MTA3: variants seen among roughly 807,000 people sequenced by gnomAD.
The protein encoded by MTA3 is metastasis-associated protein MTA3.
Under a neutral mutation model 83.5 loss-of-function variants are expected in MTA3, and 34 were observed. That is an observed-to-expected ratio of 0.41 (90% CI 0.31 to 0.54). MTA3 has a LOEUF of 0.54. Ranked by LOEUF, MTA3 falls within the 20% of genes least tolerant of loss-of-function variation. The pLI is 0.33. For missense variants in MTA3, 761 were observed against 726.4 expected (o/e 1.05, Z -0.55); for synonymous variants, 303 against 252.7 (o/e 1.20, Z -1.89).
At position 42,667,570 on chromosome 2, in the gene MTA3, T is replaced by TTGTG. The variant is rs1553379043; in HGVS notation, c.702+7744_702+7747dup. Among the ~76,000 whole-genome samples, 1,177 of 145,062 alleles carry TTGTG rather than the reference T, an allele frequency of 8.1e-3. 8 individuals are homozygous for TTGTG. The highest frequency in any genetic ancestry group is 0.014 in the Non-Finnish European group (897 of 66,064). On this transcript the variant is annotated intron_variant, in intron 8 of 16. Transcript: ENST00000405094. ...TGTCAGAATTTCCATCATTTAAAAATTGTGTGTGTGTGTGTGTGTGTGTGT... is the reference window on the plus strand; with the variant it reads ...TGTCAGAATTTCCATCATTTAAAAATTGTGTGTGTGTGTGTGTGTGTGTGTGTGT...
chr2:42,572,854 A>C (rs963272278), intron 2 of MTA3, among the ~76,000 whole-genome samples: 1 of 152,004 alleles, frequency 6.6e-6, no homozygotes, highest in Non-Finnish European at 1.5e-5. Context: ...CATCCTCCCA[A>C]GTAGCTGGGA....
intron 3 of MTA3, among the ~76,000 whole-genome samples, chr2:42,597,517 C>G (rs1160928619): frequency 4.0e-5 from 6 of 150,306 alleles, no homozygotes; most frequent in Non-Finnish European, 8.8e-5. Context: ...TCCTGAGTTA[C>G]TGGGATTACA....
At chr2:42,631,683 T>C (rs1328139161) in intron 4 of MTA3, among the ~76,000 whole-genome samples, 1 of 152,168 alleles carries the variant, frequency 6.6e-6, no homozygotes, top group Non-Finnish European at 1.5e-5. Flanking sequence ...AGTTATTTTG[T>C]ATTATTATTT....
At chr2:42,683,499 A>C (rs971108713) in intron 9 of MTA3, among the ~76,000 whole-genome samples, 1 of 152,130 alleles carries the variant, frequency 6.6e-6, no homozygotes, top group South Asian at 2.1e-4. Flanking sequence ...ATTCAGGTGC[A>C]TTACGTTTAT....
In MTA3 at chr2:42,589,808, A is replaced by T. The variant is rs147276958; in HGVS notation, c.190+10608A>T. Reference sequence around the variant, plus strand: ...CAAAACCCTACTGTGAAACTTTTTGATATCTGGGTTAGAGGCTTCTCAGAG... The same window carrying T: ...CAAAACCCTACTGTGAAACTTTTTGTTATCTGGGTTAGAGGCTTCTCAGAG... On this transcript the variant is annotated intron_variant, in intron 3 of 16. Coordinates refer to ENST00000405094, the MANE Select transcript of MTA3 (RefSeq NM_001330442.2). 4.7e-3 allele frequency among the ~76,000 whole-genome samples: 712 copies of T among 152,224 alleles called. 5 individuals carry two copies. Among genetic ancestry groups the T allele is most frequent in the African/African-American group, 0.016 (683 of 41,550 alleles).
At chr2:42,595,411 G>A (rs984166227) in intron 3 of MTA3, among the ~76,000 whole-genome samples, 1 of 151,926 alleles carries the variant, frequency 6.6e-6, no homozygotes, top group Non-Finnish European at 1.5e-5. Context: ...TGCCCGGCAT[G>A]TTTTTATATT....
intron 16 of MTA3, among the ~76,000 whole-genome samples, chr2:42,725,929 T>G (rs1667778584): frequency 6.6e-6 from 1 of 152,214 alleles, no homozygotes; most frequent in East Asian, 1.9e-4. Context: ...AGTGCCCACA[T>G]TCTTGTGTTA....
intron 14 of MTA3, among the ~76,000 whole-genome samples, chr2:42,711,425 TA>T (rs1307132972): frequency 6.6e-6 from 1 of 152,224 alleles, no homozygotes; most frequent in African/African-American, 2.4e-5. Flanking sequence ...ATAGTAATCA[TA>T]AAAGAGCAGT....
intron 15 of MTA3, among the ~76,000 whole-genome samples, chr2:42,720,681 G>A (rs568389391): frequency 4.6e-5 from 7 of 152,060 alleles, no homozygotes; most frequent in South Asian, 4.1e-4. Flanking sequence ...AGAATAGGCC[G>A]GGCATGGTGG....
intron 2 of MTA3, among the ~76,000 whole-genome samples, chr2:42,546,379 C>G (rs1676760073): frequency 6.6e-6 from 1 of 152,116 alleles, no homozygotes; most frequent in Admixed American, 6.6e-5. Flanking sequence ...ATGTCCTTGT[C>G]TGCTCTACTT....
At chr2:42,711,741 A>G (rs1666625955) in intron 14 of MTA3, among the ~76,000 whole-genome samples, 1 of 136,324 alleles carries the variant, frequency 7.3e-6, no homozygotes, top group Non-Finnish European at 1.6e-5. Context: ...TCCATAGGCA[A>G]CCATGTCTGT....
At chr2:42,739,495 T>G (rs931618193) in intron 16 of MTA3, among the ~76,000 whole-genome samples, 1 of 151,144 alleles carries the variant, frequency 6.6e-6, no homozygotes, top group African/African-American at 2.4e-5. Context: ...TGAGTCATAA[T>G]CTTTTTGCTG....
At chr2:42,571,087 G>T (rs1283490645) in intron 2 of MTA3, among the ~76,000 whole-genome samples, 3 of 151,938 alleles carry the variant, frequency 2.0e-5, no homozygotes, top group Non-Finnish European at 4.4e-5. Flanking sequence ...TTCAGTCCCA[G>T]ACTCTTTGAA....
chr2:42,589,167 T>G (rs1022217675), intron 3 of MTA3, among the ~76,000 whole-genome samples: 2 of 152,210 alleles, frequency 1.3e-5, no homozygotes, highest in Non-Finnish European at 2.9e-5. Flanking sequence ...ATCGGCACCT[T>G]ATTTCAACCA....
chr2:42,498,490 G>C (rs748349452), intron 2 of MTA3, among the ~76,000 whole-genome samples: 1 of 152,286 alleles, frequency 6.6e-6, no homozygotes, highest in South Asian at 2.1e-4. Flanking sequence ...GGCCTCACAG[G>C]GCCTGTATCA....
intron 4 of MTA3, among the ~76,000 whole-genome samples, chr2:42,633,295 G>A (rs1472919782): frequency 6.6e-6 from 1 of 151,464 alleles, no homozygotes; most frequent in Non-Finnish European, 1.5e-5. Context: ...AAAAAGCAGA[G>A]GTCCAGGGTC....
At chr2:42,577,066 C>T (rs1428074532) in intron 2 of MTA3, among the ~76,000 whole-genome samples, 1 of 125,356 alleles carries the variant, frequency 8.0e-6, no homozygotes, top group African/African-American at 3.1e-5. Context: ...TGCACTCAAG[C>T]CTGGCAACAG....
Position 42,756,508 on chromosome 2 carries a change from T to A in MTA3, c.*3109T>A, listed in dbSNP as rs1469852315. On this transcript the variant is annotated 3_prime_UTR_variant, in exon 17 of 17. Coordinates refer to ENST00000405094, the MANE Select transcript of MTA3 (RefSeq NM_001330442.2). ...GCCTCAGTGCACTCGGTGTCATGTCTGAGCCTGGTGTTTATGCCCCACTGC... is the reference window on the plus strand; with the variant it reads ...GCCTCAGTGCACTCGGTGTCATGTCAGAGCCTGGTGTTTATGCCCCACTGC... 2 of 985,534 alleles carry A rather than the reference T, an allele frequency of 2.0e-6. No individual in the cohort carries two copies. Among genetic ancestry groups the A allele is most frequent in the Admixed American group, 1.2e-4 (2 of 16,272 alleles). 61.0% of individuals were successfully genotyped at this position (985,534 alleles called of 1,614,324 possible). A position where few individuals can be genotyped will look rare whatever the true frequency, so the allele number is the denominator to read the frequency against.
intron 2 of MTA3, among the ~76,000 whole-genome samples, chr2:42,551,208 T>A (rs1167313810): frequency 6.6e-6 from 1 of 152,148 alleles, no homozygotes; most frequent in Non-Finnish European, 1.5e-5. Flanking sequence ...GTTTGTTTTT[T>A]GAGACGAAGT....
Sources: gnomAD v4.1 joint callset for allele counts (sites outside exome capture counted in the v4.1 genomes callset) on GRCh38, gnomAD v4.1.1 for gene constraint, MANE v1.5 for transcripts, NCBI Gene and HGNC (gene_info 2026-07-23, HGNC 2026-07-21) for gene names.